Variants in OSBPL10 observed in about 807,000 individuals in gnomAD.
OSBPL10 encodes oxysterol binding protein like 10, also known as oxysterol-binding protein-related protein 10.
OSBPL10 carries 49 observed loss-of-function variants against 81.7 expected under a neutral mutation model. The ratio of observed to expected loss-of-function variants is 0.60; its 90% CI spans 0.48 to 0.76. OSBPL10 has a LOEUF of 0.76. Ranked by LOEUF, OSBPL10 falls within the 30% of genes least tolerant of loss-of-function variation. OSBPL10 has a pLI of 0.00. For missense variants in OSBPL10, 923 were observed against 987.8 expected, an observed-to-expected ratio of 0.93 and a Z score of 0.88; for synonymous variants, 419 against 383.6, an observed-to-expected ratio of 1.09 and a Z score of -1.08.
intron 4 of OSBPL10, among the ~76,000 whole-genome samples, chr3:31,813,440 GTTTT>G (rs908829816): frequency 6.6e-6 from 1 of 151,990 alleles, no homozygotes; most frequent in South Asian, 2.1e-4. Context: ...GGCAGTTTTG[GTTTT>G]TTTGTTTGTT....
rs149184192 is a variant in OSBPL10 at position 31,959,896 on chromosome 3, G to C, written c.281+21003C>G. Among the ~76,000 whole-genome samples the C allele has an allele frequency of 5.1e-4, 77 of 152,226 alleles. 1 individual carries two copies. Among genetic ancestry groups the C allele is most frequent in the African/African-American group, 1.7e-3 (69 of 41,522 alleles). On this transcript the variant is annotated intron_variant, in intron 1 of 11. Transcript: ENST00000396556. Reference sequence around the variant, plus strand: ...CTTGACTAGGTTATTTTGGTTTATTGTGAAAAACACTTGCAGAAAAAGGAT... The same window carrying C: ...CTTGACTAGGTTATTTTGGTTTATTCTGAAAAACACTTGCAGAAAAAGGAT...
At chr3:31,887,195 G>A (rs1306645513) in intron 1 of OSBPL10, among the ~76,000 whole-genome samples, 1 of 152,086 alleles carries the variant, frequency 6.6e-6, no homozygotes, top group African/African-American at 2.4e-5. Context: ...TCCCTCCTGT[G>A]CACAAACATC....
chr3:31,755,206 C>T (rs1032031977), intron 4 of OSBPL10, among the ~76,000 whole-genome samples: 1 of 152,162 alleles, frequency 6.6e-6, no homozygotes, highest in Non-Finnish European at 1.5e-5. Flanking sequence ...CAGGATTACC[C>T]TTGCTCATGC....
chr3:32,054,474 A>G (rs758619014), intron 1 of OSBPL10, among the ~76,000 whole-genome samples: 2 of 151,492 alleles, frequency 1.3e-5, no homozygotes, highest in Admixed American at 6.6e-5. Flanking sequence ...ATATTATTAC[A>G]TAAAATTGTT....
chr3:31,863,635 A>G (rs763128490), intron 3 of OSBPL10, among the ~76,000 whole-genome samples: 2 of 152,204 alleles, frequency 1.3e-5, no homozygotes, highest in Non-Finnish European at 2.9e-5. Context: ...CCACAAAGCA[A>G]TGTGTTCCAA....
At chr3:32,062,441 T>C (rs1399627261) in intron 1 of OSBPL10, among the ~76,000 whole-genome samples, 2 of 94,434 alleles carry the variant, frequency 2.1e-5, no homozygotes, top group African/African-American at 5.5e-5. Context: ...CCAGTATGTT[T>C]GTATGGCTAT....
chr3:31,830,049 T>C lies in OSBPL10; in HGVS notation c.720A>G (p.Glu240=). ...AKSQYSGQLH[E]VREMMNQVEG... is the part of the protein sequence containing the mutation. ...GGAGAGCAAAGCCTACCTCTCTGAC[T>C]TCGTGAAGCTGGCCGGAATACTGAC... Residue 240 remains glutamate (E), a synonymous_variant, in exon 4 of 12, where the codon GAA becomes GAG. Transcript: ENST00000396556. The C allele has an allele frequency of 6.2e-7, 1 of 1,612,920 alleles. No individual in the cohort carries two copies. The highest frequency in any genetic ancestry group is 8.5e-7 in the Non-Finnish European group (1 of 1,179,784).
chr3:31,711,950 G>A (rs1037515364), intron 6 of OSBPL10, among the ~76,000 whole-genome samples: 1 of 152,128 alleles, frequency 6.6e-6, no homozygotes, highest in Non-Finnish European at 1.5e-5. Context: ...GAGGAAGGGC[G>A]TGCCCAGGGT....
chr3:31,751,883 G>A (rs1697733690), intron 4 of OSBPL10, among the ~76,000 whole-genome samples: 1 of 152,152 alleles, frequency 6.6e-6, no homozygotes, highest in Non-Finnish European at 1.5e-5. Flanking sequence ...TGAAAGAAAT[G>A]TAGGATTTCT....
rs547995223 is a variant in OSBPL10 at position 31,830,512 on chromosome 3, C to A, written c.538-281G>T. 1.8e-4 allele frequency among the ~76,000 whole-genome samples: 27 copies of A among 152,244 alleles called. No individual in the cohort carries two copies. The East Asian group carries it at 5.2e-3, about 29-fold the overall frequency. ...AATCCTGCCCCCCACCGTCCCCGAC[C>A]CACACACCATGGACGCTCATGGAGC... On this transcript the variant is annotated intron_variant, in intron 3 of 11. Transcript: ENST00000396556.
chr3:31,947,839 C>T (rs918342752), intron 1 of OSBPL10, among the ~76,000 whole-genome samples: 2 of 151,266 alleles, frequency 1.3e-5, no homozygotes, highest in Admixed American at 1.3e-4. Flanking sequence ...TCTCAGGATC[C>T]GGAGAAACTG....
chr3:31,866,682 G>A (rs1331920000), intron 3 of OSBPL10, among the ~76,000 whole-genome samples: 3 of 152,296 alleles, frequency 2.0e-5, no homozygotes, highest in Non-Finnish European at 4.4e-5. Flanking sequence ...TGTAAACACA[G>A]GCAGGTCCCT....
At chr3:31,971,080 C>T (rs73823910) in intron 1 of OSBPL10, among the ~76,000 whole-genome samples, 4,688 of 152,086 alleles carry the variant, frequency 0.031, 241 homozygotes, top group African/African-American at 0.11. Flanking sequence ...GTAGCACTCA[C>T]CACCTGTACT....
intron 2 of OSBPL10, among the ~76,000 whole-genome samples, chr3:32,023,015 C>T (rs1455409656): frequency 6.6e-6 from 1 of 152,098 alleles, no homozygotes; most frequent in Admixed American, 6.6e-5. Flanking sequence ...AACTCAGGTA[C>T]ATATGTTAAG....
intron 2 of OSBPL10, among the ~76,000 whole-genome samples, chr3:32,034,531 G>C (rs537550131): frequency 4.0e-5 from 6 of 151,382 alleles, no homozygotes; most frequent in East Asian, 3.9e-4. Context: ...TCAATAATTA[G>C]AGTCCAATCA....
chr3:31,990,024 A>G, intron 2 of OSBPL10: 1 of 1,614,000 alleles, frequency 6.2e-7, no homozygotes, highest in Non-Finnish European at 8.5e-7. Flanking sequence ...AACCTTACAA[A>G]TGTGAAGAAT....
At chr3:31,804,870 T>C (rs940887566) in intron 4 of OSBPL10, among the ~76,000 whole-genome samples, 1 of 152,228 alleles carries the variant, frequency 6.6e-6, no homozygotes, top group African/African-American at 2.4e-5. Flanking sequence ...AATTTTTTTT[T>C]AGCTGTTTAA....
intron 7 of OSBPL10, chr3:31,700,558 T>C (rs1286285587): frequency 6.6e-6 from 1 of 152,252 alleles, no homozygotes; most frequent in East Asian, 1.9e-4. Flanking sequence ...CTAGGTTTCA[T>C]GTGCAGAATG....
rs774704182 is a variant in OSBPL10 at position 31,662,443 on chromosome 3, G to GATGA, written c.2251-331_2251-328dup. ...GGACAAGAGAAAAGGAGAGTAGCTA[G>GATGA]ATGAATGGCCAGGGGAAAGAAAAGG... On this transcript the variant is annotated intron_variant, in intron 11 of 11. Transcript: ENST00000396556. The GATGA allele has an allele frequency of 1.4e-3, 1,475 of 1,076,162 alleles. 2 individuals are homozygous for GATGA. The highest frequency in any genetic ancestry group is 1.6e-3 in the Non-Finnish European group (1,414 of 888,610). 66.7% of individuals were successfully genotyped at this position (1,076,162 alleles called of 1,614,324 possible). A position where few individuals can be genotyped will look rare whatever the true frequency, so the allele number is the denominator to read the frequency against.
Sources: gnomAD v4.1 joint callset for allele counts (sites outside exome capture counted in the v4.1 genomes callset) on GRCh38, gnomAD v4.1.1 for gene constraint, MANE v1.5 for transcripts, NCBI Gene and HGNC (gene_info 2026-07-23, HGNC 2026-07-21) for gene names.